Variants in NELL1 observed in about 807,000 individuals in gnomAD.
NELL1 encodes neural EGFL like 1, also known as protein kinase C-binding protein NELL1.
Under a neutral mutation model 107.4 loss-of-function variants are expected in NELL1, and 76 were observed. That is an observed-to-expected ratio of 0.71 (90% confidence interval 0.59 to 0.86). The LOEUF (loss-of-function observed/expected upper bound fraction) is 0.86, where lower values mean the gene tolerates loss of function less well. Among genes scored for constraint, NELL1 ranks in the 40% least tolerant of loss-of-function variants. NELL1 has a pLI of 0.00. For missense variants in NELL1, 1,024 were observed against 1,005.5 expected (o/e 1.02, Z -0.25); for synonymous variants, 353 against 341.2 (o/e 1.03, Z -0.38).
chr11:21,352,108 G>C (rs1239678087), intron 14 of NELL1, among the ~76,000 whole-genome samples: 1 of 151,944 alleles, frequency 6.6e-6, no homozygotes, highest in South Asian at 2.1e-4. Context: ...CCATCTGCCT[G>C]GCCTGTTCTC....
intron 13 of NELL1, among the ~76,000 whole-genome samples, chr11:21,214,343 C>T (rs924489427): frequency 1.3e-5 from 2 of 151,976 alleles, no homozygotes; most frequent in African/African-American, 4.8e-5. Context: ...GAAGAATTCT[C>T]AAAACTTAAC....
At chr11:21,287,799 T>C (rs1394879591) in intron 14 of NELL1, among the ~76,000 whole-genome samples, 2 of 152,078 alleles carry the variant, frequency 1.3e-5, no homozygotes, top group Admixed American at 1.3e-4. Context: ...GCCACAGCTC[T>C]CTATATACAC....
chr11:21,573,245 A>G lies in NELL1; in HGVS notation c.2218A>G (p.Ile740Val). 6.2e-7 allele frequency: 1 copy of G among 1,612,422 alleles called. No homozygotes were observed. Among genetic ancestry groups the G allele is most frequent in the Non-Finnish European group, 8.5e-7 (1 of 1,179,008 alleles). ...CPNLSCEYTAILEGECCPRCV... is the reference protein window; with the variant it reads ...CPNLSCEYTAVLEGECCPRCV... ...CAACTTGAGCTGTGAGTATACAGCT[A>G]TCTTAGAAGGGGAATGTTGTCCCCG... Residue 740 changes from isoleucine (I) to valine (V), a missense_variant, in exon 19 of 20, where the codon ATC becomes GTC. Transcript: ENST00000357134.
At chr11:21,409,655 A>G (rs1852327250) in intron 15 of NELL1, among the ~76,000 whole-genome samples, 1 of 152,042 alleles carries the variant, frequency 6.6e-6, no homozygotes, top group East Asian at 1.9e-4. Flanking sequence ...CCTAAAATTC[A>G]GGCTATCACA....
chr11:20,711,003 A>AT (rs1245236616), intron 2 of NELL1, among the ~76,000 whole-genome samples: 4 of 148,840 alleles, frequency 2.7e-5, no homozygotes, highest in Non-Finnish European at 4.5e-5. Flanking sequence ...TTTTTTTTGT[A>AT]TTTTTTTGTT....
At chr11:21,397,919 C>T (rs1244627580) in intron 15 of NELL1, among the ~76,000 whole-genome samples, 4 of 151,386 alleles carry the variant, frequency 2.6e-5, no homozygotes, top group East Asian at 2.0e-4. Context: ...CACCAGATAC[C>T]GAATCTGCTT....
intron 14 of NELL1, among the ~76,000 whole-genome samples, chr11:21,241,375 G>A (rs1418993101): frequency 6.6e-6 from 1 of 152,086 alleles, no homozygotes; most frequent in Admixed American, 6.6e-5. Flanking sequence ...CTTAAATAGA[G>A]CCAAAGAACT....
chr11:20,819,302 G>C (rs1857695946), intron 3 of NELL1, among the ~76,000 whole-genome samples: 1 of 152,228 alleles, frequency 6.6e-6, no homozygotes, highest in Non-Finnish European at 1.5e-5. Flanking sequence ...AGGTGAGGTT[G>C]TCAGAGAACA....
At chr11:20,967,234 T>G (rs1851404496) in intron 12 of NELL1, among the ~76,000 whole-genome samples, 1 of 152,136 alleles carries the variant, frequency 6.6e-6, no homozygotes, top group Non-Finnish European at 1.5e-5. Context: ...AATGAACTTC[T>G]GTGGAAACAA....
intron 17 of NELL1, among the ~76,000 whole-genome samples, chr11:21,564,130 T>C (rs1355199271): frequency 6.6e-6 from 1 of 151,736 alleles, no homozygotes; most frequent in Non-Finnish European, 1.5e-5. Flanking sequence ...AGATTTTACG[T>C]TTGGAATTGG....
chr11:21,410,482 T>C (rs1852348838), intron 15 of NELL1, among the ~76,000 whole-genome samples: 1 of 151,972 alleles, frequency 6.6e-6, no homozygotes, highest in African/African-American at 2.4e-5. Context: ...TCTTTTATAT[T>C]TTTTATTCTT....
intron 15 of NELL1, among the ~76,000 whole-genome samples, chr11:21,488,918 G>T (rs1854717704): frequency 6.6e-6 from 1 of 151,642 alleles, no homozygotes; most frequent in African/African-American, 2.4e-5. Flanking sequence ...TTAGCAGAAG[G>T]AAATTAGATC....
chr11:21,072,522 A>C (rs10766765), intron 12 of NELL1, among the ~76,000 whole-genome samples: 1 of 151,976 alleles, frequency 6.6e-6, no homozygotes, highest in Non-Finnish European at 1.5e-5. Context: ...TCATGCTGCA[A>C]GTTCTTGGCA....
At chr11:21,330,886 C>T (rs1425853638) in intron 14 of NELL1, among the ~76,000 whole-genome samples, 1 of 152,018 alleles carries the variant, frequency 6.6e-6, no homozygotes, top group East Asian at 1.9e-4. Context: ...CTTCATATCT[C>T]TGAAACTTTT....
At chr11:20,814,216 G>A (rs958127451) in intron 3 of NELL1, among the ~76,000 whole-genome samples, 13 of 152,076 alleles carry the variant, frequency 8.5e-5, no homozygotes, top group Admixed American at 3.3e-4. Context: ...GGATGGTCTC[G>A]ATCTCCTGAC....
chr11:21,031,322 T>C lies in NELL1; in HGVS notation c.1300+70762T>C, dbSNP rs537354062. 4.6e-5 allele frequency among the ~76,000 whole-genome samples: 7 copies of C among 152,356 alleles called. No homozygotes were observed. The South Asian group carries it at 1.2e-3, about 27-fold the overall frequency. The stretch of plus-strand genomic sequence containing the variant: ...GACTGTTCCCTTTGAGTAATTCTTA[T>C]GTTAATGTTCAGAATTCTTTTCAGG... On this transcript the variant is annotated intron_variant, in intron 12 of 19. Transcript: ENST00000357134.
chr11:20,797,399 C>G (rs1252450513), intron 3 of NELL1, among the ~76,000 whole-genome samples: 1 of 151,764 alleles, frequency 6.6e-6, no homozygotes, highest in Non-Finnish European at 1.5e-5. Context: ...CCAGTCTCTA[C>G]TAAAAATACA....
rs1277687411 is a variant in NELL1 at position 20,721,764 on chromosome 11, G to A, written c.184+43704G>A. Among the ~76,000 whole-genome samples, 6 of 152,182 alleles carry A rather than the reference G, an allele frequency of 3.9e-5. No homozygotes were observed. In the East Asian group the frequency reaches 1.2e-3, roughly 29 times the overall value. Reference sequence around the variant, plus strand: ...AGAGTTTAATGACTTGACACTAGGTGAGTGGGAAGACTAGGGCAAAGGGTA... The same window carrying A: ...AGAGTTTAATGACTTGACACTAGGTAAGTGGGAAGACTAGGGCAAAGGGTA... On this transcript the variant is annotated intron_variant, in intron 2 of 19. Transcript: ENST00000357134.
intron 15 of NELL1, among the ~76,000 whole-genome samples, chr11:21,423,243 A>C (rs563339926): frequency 2.8e-4 from 42 of 151,942 alleles, no homozygotes; most frequent in African/African-American, 1.0e-3. Flanking sequence ...GGTGGTGTGC[A>C]CCTGTAGTCC....
Sources: gnomAD v4.1 joint callset for allele counts (sites outside exome capture counted in the v4.1 genomes callset) on GRCh38, gnomAD v4.1.1 for gene constraint, MANE v1.5 for transcripts, NCBI Gene and HGNC (gene_info 2026-07-23, HGNC 2026-07-21) for gene names.